Variants in TRPM3 observed in about 807,000 individuals in gnomAD.
TRPM3 encodes long transient receptor potential channel 3.
In TRPM3, 77 loss-of-function variants were observed where a neutral mutation model predicts 181.2. The ratio of observed to expected loss-of-function variants is 0.42; its 90% CI spans 0.35 to 0.51. The LOEUF (loss-of-function observed/expected upper bound fraction) is 0.51. Among genes scored for constraint, TRPM3 ranks in the 20% least tolerant of loss-of-function variants. The pLI, the probability that TRPM3 is intolerant of heterozygous loss-of-function variation, is 0.01. For missense variants in TRPM3, 1,759 were observed against 2,196.7 expected (o/e 0.80, Z 3.98); for synonymous variants, 745 against 796.4 (o/e 0.94, Z 1.09).
At chr9:71,156,913 A>C (rs1369661998) in intron 1 of TRPM3, among the ~76,000 whole-genome samples, 2 of 152,136 alleles carry the variant, frequency 1.3e-5, no homozygotes, top group African/African-American at 4.8e-5. Flanking sequence ...TCCAAGACCA[A>C]ATAACTTGAA....
At chr9:70,792,443 G>A (rs1239940445) in intron 6 of TRPM3, among the ~76,000 whole-genome samples, 1 of 151,868 alleles carries the variant, frequency 6.6e-6, no homozygotes, top group Non-Finnish European at 1.5e-5. Context: ...AAGTGGTATG[G>A]GGGAGGAAGG....
intron 6 of TRPM3, among the ~76,000 whole-genome samples, chr9:70,796,732 T>A (rs574177060): frequency 1.3e-5 from 2 of 152,342 alleles, no homozygotes; most frequent in Non-Finnish European, 2.9e-5. Flanking sequence ...AGAGCAGAGA[T>A]GTCTAGGCAT....
At chr9:71,400,875 G>A (rs949629519) in intron 1 of TRPM3, among the ~76,000 whole-genome samples, 1 of 150,822 alleles carries the variant, frequency 6.6e-6, no homozygotes, top group African/African-American at 2.4e-5. Context: ...GTATTCTAAT[G>A]CTTATTAGTA....
intron 20 of TRPM3, among the ~76,000 whole-genome samples, chr9:70,602,475 C>T (rs2060230621): frequency 6.6e-6 from 1 of 152,074 alleles, no homozygotes; most frequent in African/African-American, 2.4e-5. Flanking sequence ...TCTTAAAGAC[C>T]CAGTGGACTT....
chr9:70,822,605 G>A (rs2093267962), intron 6 of TRPM3, among the ~76,000 whole-genome samples: 1 of 152,140 alleles, frequency 6.6e-6, no homozygotes, highest in Admixed American at 6.5e-5. Flanking sequence ...TTGGAATGGT[G>A]AAAACGTTCT....
chr9:70,907,087 T>A (rs1310931202), intron 1 of TRPM3, among the ~76,000 whole-genome samples: 1 of 152,232 alleles, frequency 6.6e-6, no homozygotes, highest in African/African-American at 2.4e-5. Flanking sequence ...GAAAACAGTA[T>A]AATTTTACTT....
At chr9:70,787,774 T>A (rs2084172834) in intron 6 of TRPM3, among the ~76,000 whole-genome samples, 1 of 149,252 alleles carries the variant, frequency 6.7e-6, no homozygotes, top group South Asian at 2.1e-4. Context: ...TTTTTTTTTT[T>A]TTTTTTTTTT....
chr9:70,986,861 G>T (rs17056153), intron 1 of TRPM3, among the ~76,000 whole-genome samples: 8,803 of 151,974 alleles, frequency 0.058, 372 homozygotes, highest in Admixed American at 0.13. Flanking sequence ...CCCTCAAGGA[G>T]TATCGTTTAA....
intron 1 of TRPM3, among the ~76,000 whole-genome samples, chr9:71,032,067 T>C (rs1219227880): frequency 1.7e-5 from 1 of 57,404 alleles, no homozygotes; most frequent in Non-Finnish European, 3.4e-5. Context: ...ATTATATATA[T>C]TATATTATAT....
intron 1 of TRPM3, among the ~76,000 whole-genome samples, chr9:71,148,099 T>G (rs2075527165): frequency 1.0e-5 from 1 of 97,106 alleles, no homozygotes; most frequent in Non-Finnish European, 2.5e-5. Context: ...TGTAAAAGAA[T>G]TTTCTGAAGT....
At chr9:71,358,109 G>T (rs1426405278) in intron 1 of TRPM3, among the ~76,000 whole-genome samples, 1 of 152,120 alleles carries the variant, frequency 6.6e-6, no homozygotes, top group Non-Finnish European at 1.5e-5. Context: ...ACTAGAATAT[G>T]CCAGTCATTT....
rs11142641 is a variant in TRPM3, at chr9:70,908,012, A to G, written c.178-43501T>C. Among the ~76,000 whole-genome samples the G allele has an allele frequency of 5.0e-3, 758 of 152,238 alleles. 21 individuals carry two copies. The highest frequency in any genetic ancestry group is 0.04 in the Admixed American group (616 of 15,290). On this transcript the variant is annotated intron_variant, in intron 1 of 25. Transcript: ENST00000677713. ...GCTATTGGGAATAGTGCTTCAATAA[A>G]CATACTAGTGCAGGTATACTTTTGG... is the stretch of plus-strand genomic sequence containing the variant.
intron 1 of TRPM3, among the ~76,000 whole-genome samples, chr9:71,420,678 A>AGAAAAAGG (rs2093719282): frequency 7.7e-6 from 1 of 130,454 alleles, no homozygotes; most frequent in Admixed American, 8.4e-5. Flanking sequence ...AAAGAGAGAA[A>AGAAAAAGG]GAAAGAGAAA....
chr9:71,120,314 C>T (rs1052305592), intron 1 of TRPM3, among the ~76,000 whole-genome samples: 2 of 152,136 alleles, frequency 1.3e-5, no homozygotes, highest in South Asian at 4.1e-4. Context: ...TTAAGTATTA[C>T]CACCTTCTAT....
At position 71,298,061 on chromosome 9, in the gene TRPM3, T is replaced by A. The variant is rs146575102; in HGVS notation, c.183+148592A>T. 4.8e-3 allele frequency among the ~76,000 whole-genome samples: 721 copies of A among 151,690 alleles called. 11 individuals are homozygous for A. The highest frequency in any genetic ancestry group is 0.016 in the African/African-American group (673 of 41,358). ...AGTCTAAAATCTGTGGGAAGGTGAGTAGTCCACAGCATGCCAGTAAACTCT... is the reference window on the plus strand; with the variant it reads ...AGTCTAAAATCTGTGGGAAGGTGAGAAGTCCACAGCATGCCAGTAAACTCT... On this transcript the variant is annotated intron_variant, in intron 1 of 24. Transcript: ENST00000357533.
intron 6 of TRPM3, among the ~76,000 whole-genome samples, chr9:70,813,646 G>A (rs543027913): frequency 2.0e-5 from 3 of 152,136 alleles, no homozygotes; most frequent in East Asian, 1.9e-4. Flanking sequence ...TGCACCTCCC[G>A]AAACTAAAAT....
intron 1 of TRPM3, among the ~76,000 whole-genome samples, chr9:71,266,960 CA>C (rs368684991): frequency 0.075 from 9,406 of 125,194 alleles, 290 homozygotes; most frequent in South Asian, 0.13. Flanking sequence ...CTTCTCTGGC[CA>C]AAAAAAAAAA....
chr9:70,674,900 T>C (rs538009695), intron 9 of TRPM3, among the ~76,000 whole-genome samples: 2 of 151,744 alleles, frequency 1.3e-5, no homozygotes, highest in African/African-American at 4.8e-5. Context: ...TATCTACCTT[T>C]AAGTTTAGGT....
chr9:70,568,405 A>T (rs901878297), intron 22 of TRPM3, among the ~76,000 whole-genome samples: 14 of 152,356 alleles, frequency 9.2e-5, no homozygotes, highest in African/African-American at 2.2e-4. Flanking sequence ...CAAACATTTT[A>T]AAAAAGGTAT....
Sources: allele counts gnomAD v4.1 joint callset (sites outside exome capture counted in the v4.1 genomes callset), GRCh38; gene constraint gnomAD v4.1.1; transcripts MANE v1.5; gene names NCBI Gene and HGNC (gene_info 2026-07-23, HGNC 2026-07-21).